The following PDE3A variants were observed in gnomAD, a reference collection of about 807,000 sequenced individuals.
The protein encoded by PDE3A is cGMP-inhibited 3',5'-cyclic phosphodiesterase 3A.
A neutral mutation model predicts 98.3 loss-of-function variants in PDE3A; 43 were observed. That is an observed-to-expected ratio of 0.44 (90% CI 0.34 to 0.56). PDE3A has a LOEUF of 0.56. Among genes scored for constraint, PDE3A ranks in the 20% least tolerant of loss-of-function variants. The pLI is 0.01. For missense variants in PDE3A, 1,427 were observed against 1,440.7 expected (o/e 0.99, Z 0.15); for synonymous variants, 663 against 567.9 (o/e 1.17, Z -2.38).
intron 2 of PDE3A, among the ~76,000 whole-genome samples, chr12:20,578,806 G>A (rs1170271121): frequency 6.6e-6 from 1 of 152,074 alleles, no homozygotes; most frequent in African/African-American, 2.4e-5. Context: ...AGTGAGCATT[G>A]GAAAGGATGC....
At chr12:20,439,917 G>C (rs914441621) in intron 1 of PDE3A, among the ~76,000 whole-genome samples, 5 of 152,142 alleles carry the variant, frequency 3.3e-5, no homozygotes, top group Non-Finnish European at 7.4e-5. Flanking sequence ...AACATTTTTT[G>C]ATTAAATAAC....
chr12:20,396,995 G>A (rs1181670134), intron 1 of PDE3A, among the ~76,000 whole-genome samples: 1 of 148,394 alleles, frequency 6.7e-6, no homozygotes, highest in Non-Finnish European at 1.5e-5. Context: ...ATCTCTCAAA[G>A]CTTAGGTTTT....
chr12:20,590,890 A>C (rs1288233926), intron 2 of PDE3A, among the ~76,000 whole-genome samples: 4 of 152,110 alleles, frequency 2.6e-5, no homozygotes, highest in Admixed American at 1.3e-4. Context: ...CCAAGAATAA[A>C]CCTTAGGAAA....
chr12:20,496,031 AT>A (rs1330491883), intron 1 of PDE3A, among the ~76,000 whole-genome samples: 1 of 152,136 alleles, frequency 6.6e-6, no homozygotes, highest in Non-Finnish European at 1.5e-5. Context: ...TTTGATTCAC[AT>A]TTCCCCCTCT....
At chr12:20,510,745 T>A (rs555620879) in intron 1 of PDE3A, among the ~76,000 whole-genome samples, 10 of 152,152 alleles carry the variant, frequency 6.6e-5, no homozygotes, top group African/African-American at 2.2e-4. Context: ...GATTTGTAGG[T>A]AGGAGGGCCT....
intron 1 of PDE3A, among the ~76,000 whole-genome samples, chr12:20,396,406 T>G (rs1226188639): frequency 2.0e-5 from 3 of 152,148 alleles, no homozygotes; most frequent in African/African-American, 7.2e-5. Flanking sequence ...TTCGTCTGGG[T>G]GGTGAGTAGA....
intron 1 of PDE3A, among the ~76,000 whole-genome samples, chr12:20,479,823 C>G (rs1437576185): frequency 1.3e-5 from 2 of 152,172 alleles, no homozygotes. Flanking sequence ...ATGTTAATAG[C>G]TGAACATTGT....
At chr12:20,581,236 G>A (rs755702979) in intron 2 of PDE3A, among the ~76,000 whole-genome samples, 28 of 152,096 alleles carry the variant, frequency 1.8e-4, no homozygotes, top group Non-Finnish European at 3.5e-4. Context: ...TTAGAATAGC[G>A]GGTAAAAACT....
chr12:20,670,937 T>C lies in PDE3A; in HGVS notation c.3185-9093T>C, dbSNP rs1216288117. ...TGGTTTTTTGAAAGGATCAACAAAA[T>C]TGATAGACCACTAGCAAGACTAATA... is the stretch of plus-strand genomic sequence containing the variant. On this transcript the variant is annotated intron_variant, in intron 15 of 15. Transcript: ENST00000359062. 2.3e-5 allele frequency among the ~76,000 whole-genome samples: 3 copies of C among 128,044 alleles called. No homozygotes were observed. The East Asian group carries it at 6.8e-4, about 29-fold the overall frequency. The allele number at this position is 128,044 out of a possible 152,430, so 84.0% of individuals were successfully genotyped here.
chr12:20,631,762 C>G lies in PDE3A; in HGVS notation c.1760+1635C>G, dbSNP rs1592130945. Among the ~76,000 whole-genome samples, 4 of 128,366 alleles carry G rather than the reference C, an allele frequency of 3.1e-5. No homozygotes were observed. The East Asian group carries it at 7.3e-4, about 23-fold the overall frequency. 84.2% of individuals were successfully genotyped at this position (128,366 alleles called of 152,430 possible). ...GTAATGGGATTTGTATAAAAGGTTT[C>G]AGAGAAAAACAAGAGGATTTCACTG... On this transcript the variant is annotated intron_variant, in intron 6 of 15. Transcript: ENST00000359062.
rs746861869 is a variant in PDE3A, at chr12:20,639,814, G to A, written c.2140-32G>A. ...TCTTTATGTCTGACATACACATAGG[G>A]ATGTTTCATAAGGCTTTGTCTTCTT... On this transcript the variant is annotated intron_variant, in intron 9 of 15. Coordinates refer to ENST00000359062, the MANE Select transcript of PDE3A (RefSeq NM_000921.5). 8 of 926,808 alleles carry A rather than the reference G, an allele frequency of 8.6e-6. No individual in the cohort carries two copies. The South Asian group carries it at 9.1e-5, about 11-fold the overall frequency. The allele number at this position is 926,808 out of a possible 1,614,324, so 57.4% of individuals were successfully genotyped here. A position where few individuals can be genotyped will look rare whatever the true frequency, so the allele number is the denominator to read the frequency against.
intron 2 of PDE3A, among the ~76,000 whole-genome samples, chr12:20,598,665 A>G (rs1471192373): frequency 6.6e-6 from 1 of 152,180 alleles, no homozygotes; most frequent in Non-Finnish European, 1.5e-5. Context: ...ATTATTCACA[A>G]ATTATTTTGT....
intron 1 of PDE3A, among the ~76,000 whole-genome samples, chr12:20,485,729 C>A (rs1945716123): frequency 6.6e-6 from 1 of 152,050 alleles, no homozygotes; most frequent in South Asian, 2.1e-4. Context: ...CATTTACTTA[C>A]CTTTTTGTAT....
intron 1 of PDE3A, among the ~76,000 whole-genome samples, chr12:20,406,845 G>T (rs1308490698): frequency 2.0e-5 from 3 of 152,084 alleles, no homozygotes; most frequent in Non-Finnish European, 2.9e-5. Context: ...TTACATTTAA[G>T]TCTTTAGTTC....
intron 1 of PDE3A, among the ~76,000 whole-genome samples, chr12:20,401,197 AG>A (rs1180728374): frequency 6.6e-6 from 1 of 152,174 alleles, no homozygotes; most frequent in Non-Finnish European, 1.5e-5. Flanking sequence ...GGGCTGTTGC[AG>A]TAACTTCTCA....
At chr12:20,638,611 T>C (rs952639149) in intron 9 of PDE3A, among the ~76,000 whole-genome samples, 3 of 152,136 alleles carry the variant, frequency 2.0e-5, no homozygotes, top group African/African-American at 7.2e-5. Context: ...CCCTGGGAGA[T>C]TGTGTATTTT....
Position 20,370,233 on chromosome 12 carries a change from C to T in PDE3A, c.949C>T (p.Pro317Ser), listed in dbSNP as rs1415147388. The T allele has an allele frequency of 6.4e-7, 1 of 1,558,522 alleles. No homozygotes were observed. The highest frequency in any genetic ancestry group is 8.6e-7 in the Non-Finnish European group (1 of 1,156,088). The change falls in exon 1 of 16, where the codon CCG (proline) becomes TCG (serine). Residue 317 changes from proline to serine, a missense_variant. Pro to Ser is a moderately conservative substitution (Grantham distance 74, BLOSUM62 -1). Around this residue, in one of 3 missense-constraint regions of PDE3A, gnomAD observed 1,012 missense variants for 886.5 expected, o/e 1.14. Transcript: ENST00000359062. ...TCGGAGGACCTCCCTGCCCTGTATA[C>T]CGAGGGAACAGGTAAGCACTGGCAA... The part of the protein sequence containing the change: ...SHRRTSLPCI[P>S]REQLMGHSEW...
intron 1 of PDE3A, among the ~76,000 whole-genome samples, chr12:20,437,225 T>G (rs1944792605): frequency 1.3e-5 from 2 of 152,170 alleles, no homozygotes; most frequent in Non-Finnish European, 2.9e-5. Flanking sequence ...TCAGGCTTTA[T>G]TTTTCCAATT....
In PDE3A at chr12:20,386,070, A is replaced by AAATATATATAAATATATAT. The variant is rs1565532446; in HGVS notation, c.960+15828_960+15829insTATATATAAATATATATAA. Among the ~76,000 whole-genome samples, 46 of 37,116 alleles carry AAATATATATAAATATATAT rather than the reference A, an allele frequency of 1.2e-3. 6 individuals carry two copies. The East Asian group carries it at 0.042, about 34-fold the overall frequency. The allele number at this position is 37,116 out of a possible 152,430, so 24.3% of individuals were successfully genotyped here. ...TATATAAATATATATAAATATATAT[A>AAATATATATAAATATATAT]AAATATATATAAATATATAAATATA... On this transcript the variant is annotated intron_variant, in intron 1 of 15. Coordinates refer to ENST00000359062, the MANE Select transcript of PDE3A (RefSeq NM_000921.5).
Sources: allele counts gnomAD v4.1 joint callset (sites outside exome capture counted in the v4.1 genomes callset), GRCh38; gene constraint gnomAD v4.1.1; regional missense constraint gnomAD v4.1.1; transcripts MANE v1.5; gene names NCBI Gene and HGNC (gene_info 2026-07-23, HGNC 2026-07-21).